The following WDR45B variants were observed in gnomAD, a reference collection of about 807,000 sequenced individuals.
WDR45B encodes WD repeat domain phosphoinositide-interacting protein 3.
WDR45B carries 20 observed loss-of-function variants against 44.6 expected under a neutral mutation model. The observed-to-expected ratio is 0.45, with a 90% CI of 0.32 to 0.65. WDR45B has a LOEUF of 0.65. WDR45B is among the 30% of genes least tolerant of loss of function. The pLI, the probability that WDR45B is intolerant of heterozygous loss-of-function variation, is 0.05. For synonymous variants in WDR45B, 169 were observed against 164.9 expected, an observed-to-expected ratio of 1.02 and a Z score of -0.19; for missense variants, 323 against 430.2, an observed-to-expected ratio of 0.75 and a Z score of 2.20.
intron 1 of WDR45B, among the ~76,000 whole-genome samples, chr17:82,645,116 T>C (rs1435792274): frequency 1.3e-5 from 2 of 151,966 alleles, no homozygotes; most frequent in African/African-American, 4.8e-5. Context: ...ACCAACACGA[T>C]GAAACCCCGT....
intron 2 of WDR45B, among the ~76,000 whole-genome samples, chr17:82,641,835 T>C (rs1368888205): frequency 6.6e-6 from 1 of 150,464 alleles, no homozygotes; most frequent in Non-Finnish European, 1.5e-5. Context: ...GAGGCGGAGC[T>C]TGCAGTGAGC....
intron 5 of WDR45B, 35 bp downstream of exon 5, chr17:82,625,354 A>G (rs3826309): frequency 0.24 from 382,753 of 1,602,722 alleles, 47,065 homozygotes; most frequent in Admixed American, 0.27. Flanking sequence ...ATGTGGACCC[A>G]TTTCCCATCG....
intron 7 of WDR45B, among the ~76,000 whole-genome samples, chr17:82,618,177 G>A (rs1264274218): frequency 4.6e-5 from 7 of 152,302 alleles, no homozygotes; most frequent in Non-Finnish European, 8.8e-5. Context: ...TGATCCACCT[G>A]CCTCAGCCTC....
At chr17:82,635,175 T>A (rs531623380) in intron 2 of WDR45B, among the ~76,000 whole-genome samples, 6 of 148,220 alleles carry the variant, frequency 4.0e-5, no homozygotes, top group Non-Finnish European at 8.8e-5. Flanking sequence ...TTACCATAAT[T>A]TTTTTTTTAA....
chr17:82,625,241 G>A, intron 5 of WDR45B, 148 bp downstream of exon 5: 1 of 780,618 alleles, frequency 1.3e-6, no homozygotes, highest in South Asian at 1.4e-5. Flanking sequence ...GGTCCTGGAA[G>A]GTCCATCTCC....
At chr17:82,616,245 A>G (rs558991323) in intron 9 of WDR45B, among the ~76,000 whole-genome samples, 2 of 152,322 alleles carry the variant, frequency 1.3e-5, no homozygotes, top group South Asian at 4.1e-4. Flanking sequence ...TGTTGGCTAC[A>G]GGGTTAAGAA....
intron 2 of WDR45B, 94 bp from the exon 3 acceptor site, chr17:82,631,116 C>CAATTTTCT: frequency 7.9e-7 from 1 of 1,265,132 alleles, no homozygotes; most frequent in Non-Finnish European, 1.1e-6. Context: ...GGTAACGCAG[C>CAATTTTCT]AATTTTCTAT....
chr17:82,617,934 T>A (rs899217198), intron 7 of WDR45B, among the ~76,000 whole-genome samples: 2 of 147,548 alleles, frequency 1.4e-5, no homozygotes, highest in Non-Finnish European at 1.5e-5. Flanking sequence ...TTTTCTTTCT[T>A]TTTTTTTTTT....
intron 1 of WDR45B, among the ~76,000 whole-genome samples, chr17:82,647,671 AT>A (rs1401628149): frequency 6.6e-6 from 1 of 151,748 alleles, no homozygotes; most frequent in Non-Finnish European, 1.5e-5. Context: ...GGAGAGTGAC[AT>A]TTTCCGATGG....
rs555418517 is a variant in WDR45B at position 82,635,571 on chromosome 17, G to A, written c.143-4549C>T. 3.3e-5 allele frequency among the ~76,000 whole-genome samples: 5 copies of A among 151,340 alleles called. No individual in the cohort carries two copies. In the East Asian group the frequency reaches 5.9e-4, roughly 18 times the overall value. Reference sequence around the variant, plus strand: ...CTCCCAAGTAGCTGGGATTACAGGCGCCCATCACACCCAGCTAATTTTTGT... The same window carrying A: ...CTCCCAAGTAGCTGGGATTACAGGCACCCATCACACCCAGCTAATTTTTGT... On this transcript the variant is annotated intron_variant, in intron 2 of 9. Coordinates refer to ENST00000392325, the MANE Select transcript of WDR45B (RefSeq NM_019613.4).
At chr17:82,620,761 AAAG>A in intron 6 of WDR45B, among the ~76,000 whole-genome samples, 1 of 152,330 alleles carries the variant, frequency 6.6e-6, no homozygotes, top group Non-Finnish European at 1.5e-5. Flanking sequence ...ATTCAGGCAA[AAAG>A]AAGTATAAAG....
chr17:82,630,173 T>C (rs1367563939), intron 3 of WDR45B, among the ~76,000 whole-genome samples: 1 of 152,128 alleles, frequency 6.6e-6, no homozygotes, highest in Non-Finnish European at 1.5e-5. Context: ...CTGGTGTCTC[T>C]TCACTCACCT....
chr17:82,637,989 C>A (rs906405128), intron 2 of WDR45B, among the ~76,000 whole-genome samples: 1 of 150,838 alleles, frequency 6.6e-6, no homozygotes, highest in Admixed American at 6.6e-5. Context: ...GCCTGGTCAA[C>A]GTGGTGAAAC....
chr17:82,634,488 T>A (rs1349360715), intron 2 of WDR45B, among the ~76,000 whole-genome samples: 4 of 148,492 alleles, frequency 2.7e-5, no homozygotes, highest in Admixed American at 6.9e-5. Context: ...CGAGACTCTG[T>A]CTCAAAAAAA....
chr17:82,632,265 ACTC>A (rs2143325066), intron 2 of WDR45B, among the ~76,000 whole-genome samples: 1 of 151,696 alleles, frequency 6.6e-6, no homozygotes, highest in South Asian at 2.1e-4. Context: ...GGGCTCAAGG[ACTC>A]CTCCTGCTTC....
In WDR45B at chr17:82,617,377, G is replaced by A. The variant is rs1340759555; in HGVS notation, c.725C>T (p.Ala242Val). Reference sequence around the variant, plus strand: ...GTCGCTGGATACGCAGATGAGGGACGCATCCTGATTGAAGTTGATGCTGCA... The same window carrying A: ...GTCGCTGGATACGCAGATGAGGGACACATCCTGATTGAAGTTGATGCTGCA... ...NIYCINFNQDASLICVSSDHG... is the reference protein window; with the variant it reads ...NIYCINFNQDVSLICVSSDHG... The change falls in exon 8 of 10, where the codon GCG becomes GTG. Residue 242 changes from alanine to valine, a missense_variant. Coordinates refer to ENST00000392325, the MANE Select transcript of WDR45B (RefSeq NM_019613.4). 3.1e-6 allele frequency: 5 copies of A among 1,613,948 alleles called. No homozygotes were observed. Among genetic ancestry groups the A allele is most frequent in the Admixed American group, 1.7e-5 (1 of 59,988 alleles).
intron 3 of WDR45B, chr17:82,629,420 T>C: frequency 2.4e-6 from 2 of 817,338 alleles, no homozygotes; most frequent in Non-Finnish European, 3.0e-6. Context: ...GAACCTCCGC[T>C]GTCCCTTCTG....
chr17:82,616,666 A>G (rs1034982366), intron 8 of WDR45B, 21 bp from the exon 9 acceptor site: 43 of 1,613,988 alleles, frequency 2.7e-5, no homozygotes, highest in Non-Finnish European at 3.5e-5. Flanking sequence ...AAGAAAAGAA[A>G]GGGTGGTTCA....
At chr17:82,633,311 T>G (rs1451939140) in intron 2 of WDR45B, among the ~76,000 whole-genome samples, 1 of 152,150 alleles carries the variant, frequency 6.6e-6, no homozygotes, top group Non-Finnish European at 1.5e-5. Context: ...CAGTGCGTAA[T>G]ATCCAGAATA....
Sources: gnomAD v4.1 joint callset for allele counts (sites outside exome capture counted in the v4.1 genomes callset) on GRCh38, gnomAD v4.1.1 for gene constraint, MANE v1.5 for transcripts, NCBI Gene and HGNC (gene_info 2026-07-23, HGNC 2026-07-21) for gene names.